Variants in ITGBL1 observed in about 807,000 individuals in gnomAD.
ITGBL1 encodes the protein integrin subunit beta like 1.
ITGBL1 carries 51 observed loss-of-function variants against 68.5 expected under a neutral mutation model. The ratio of observed to expected loss-of-function variants is 0.74; its 90% CI spans 0.59 to 0.94. ITGBL1 has a LOEUF of 0.94. Ranked by LOEUF, ITGBL1 falls within the 40% of genes least tolerant of loss-of-function variation. ITGBL1 has a pLI of 0.00. For synonymous variants in ITGBL1, 209 were observed against 227.3 expected (o/e 0.92, Z 0.72); for missense variants, 649 against 647.4 (o/e 1.00, Z -0.03).
intron 2 of ITGBL1, among the ~76,000 whole-genome samples, chr13:101,461,337 C>T (rs1426373202): frequency 1.3e-5 from 2 of 152,112 alleles, no homozygotes; most frequent in Non-Finnish European, 2.9e-5. Flanking sequence ...GCCTCATATA[C>T]ATATTGTTAC....
chr13:101,516,968 T>A (rs2049205334), intron 2 of ITGBL1, among the ~76,000 whole-genome samples: 1 of 152,200 alleles, frequency 6.6e-6, no homozygotes, highest in Non-Finnish European at 1.5e-5. Context: ...AACTTTGGCT[T>A]AAAAGCTTCT....
rs886571973 is a variant in ITGBL1 at position 101,568,247 on chromosome 13, A to T, written c.463+402A>T. Among the ~76,000 whole-genome samples the T allele has an allele frequency of 2.6e-5, 4 of 152,314 alleles. No individual in the cohort carries two copies. In the South Asian group the frequency reaches 8.3e-4, roughly 32 times the overall value. On this transcript the variant is annotated intron_variant, in intron 3 of 10. Transcript: ENST00000376180. ...AATAGAACCAAATACTTTAAATTTG[A>T]TAGAAGTTTCAGATATACTGGTTAT... is the stretch of plus-strand genomic sequence containing the variant.
chr13:101,524,477 A>G (rs1050799911), intron 2 of ITGBL1, among the ~76,000 whole-genome samples: 2 of 152,094 alleles, frequency 1.3e-5, no homozygotes, highest in East Asian at 3.8e-4. Context: ...AAAAAAATGA[A>G]TACACATTTA....
At chr13:101,481,002 ATGTGTGTGTGTGTG>A (rs71121195) in intron 2 of ITGBL1, among the ~76,000 whole-genome samples, 80 of 143,318 alleles carry the variant, frequency 5.6e-4, no homozygotes, top group Middle Eastern at 3.5e-3. Context: ...GCCAAAAGAT[ATGTGTGTGTGTGTG>A]TGTGTGTGTG....
intron 2 of ITGBL1, among the ~76,000 whole-genome samples, chr13:101,546,756 G>A (rs57771871): frequency 0.055 from 8,317 of 151,976 alleles, 438 homozygotes; most frequent in African/African-American, 0.14. Context: ...TATAAATTTA[G>A]ATGAATCTCA....
intron 3 of ITGBL1, among the ~76,000 whole-genome samples, chr13:101,571,509 ATATT>A (rs2050272116): frequency 6.6e-6 from 1 of 152,100 alleles, no homozygotes. Context: ...CTGTATTAAT[ATATT>A]TTATAATGTA....
intron 7 of ITGBL1, among the ~76,000 whole-genome samples, chr13:101,608,846 A>G (rs997044322): frequency 6.6e-6 from 1 of 152,072 alleles, no homozygotes; most frequent in African/African-American, 2.4e-5. Flanking sequence ...ACCCTGCAAA[A>G]TTAACTTATT....
At chr13:101,589,806 C>G (rs186843791) in intron 6 of ITGBL1, among the ~76,000 whole-genome samples, 1 of 152,246 alleles carries the variant, frequency 6.6e-6, no homozygotes, top group African/African-American at 2.4e-5. Context: ...GTTGGCAATG[C>G]CTGGAGGTGA....
chr13:101,489,987 A>G (rs1373645996), intron 2 of ITGBL1: 1 of 1,493,644 alleles, frequency 6.7e-7, no homozygotes, highest in East Asian at 2.5e-5. Flanking sequence ...CAGTGATGGG[A>G]GCATTTAATA....
intron 7 of ITGBL1, among the ~76,000 whole-genome samples, chr13:101,605,533 T>C (rs1213767269): frequency 6.6e-6 from 1 of 151,630 alleles, no homozygotes; most frequent in Admixed American, 6.6e-5. Context: ...CATATGTATA[T>C]GCGTATATAT....
intron 8 of ITGBL1, among the ~76,000 whole-genome samples, chr13:101,704,782 C>T (rs1395389694): frequency 3.3e-5 from 5 of 152,186 alleles, no homozygotes; most frequent in South Asian, 2.1e-4. Context: ...AGCCAATTAT[C>T]GGTCACATGT....
chr13:101,703,626 T>G (rs899059549), intron 8 of ITGBL1, among the ~76,000 whole-genome samples: 1 of 152,142 alleles, frequency 6.6e-6, no homozygotes, highest in Admixed American at 6.5e-5. Context: ...TAAGTGGGAA[T>G]GTTGGAGGTG....
At chr13:101,531,899 AT>A (rs577797552) in intron 2 of ITGBL1, among the ~76,000 whole-genome samples, 1 of 151,090 alleles carries the variant, frequency 6.6e-6, no homozygotes, top group African/African-American at 2.4e-5. Context: ...GGCCTGGCTA[AT>A]TTTTTTTATT....
chr13:101,495,983 T>C (rs543233835), intron 2 of ITGBL1, among the ~76,000 whole-genome samples: 38 of 152,308 alleles, frequency 2.5e-4, no homozygotes, highest in Non-Finnish European at 3.5e-4. Context: ...ACTTGTCTTA[T>C]ATTGGTTTTC....
intron 7 of ITGBL1, among the ~76,000 whole-genome samples, chr13:101,650,816 G>C (rs914052306): frequency 8.5e-5 from 13 of 152,078 alleles, no homozygotes; most frequent in African/African-American, 3.1e-4. Context: ...ACAGACCCCA[G>C]TGTGTGTTCT....
At chr13:101,555,681 GT>G (rs1330312261) in intron 2 of ITGBL1, among the ~76,000 whole-genome samples, 1 of 58,560 alleles carries the variant, frequency 1.7e-5, no homozygotes, top group Non-Finnish European at 3.6e-5. Context: ...GTATTTAAGT[GT>G]TTTGTGTGTG....
intron 2 of ITGBL1, among the ~76,000 whole-genome samples, chr13:101,533,973 C>T (rs982332060): frequency 6.6e-6 from 1 of 152,060 alleles, no homozygotes; most frequent in Non-Finnish European, 1.5e-5. Flanking sequence ...AAAAAATAAG[C>T]CACTAAGGAA....
chr13:101,468,154 A>G (rs548822442), intron 2 of ITGBL1, among the ~76,000 whole-genome samples: 1 of 152,322 alleles, frequency 6.6e-6, no homozygotes, highest in Non-Finnish European at 1.5e-5. Flanking sequence ...AATACAAAAG[A>G]CAAGTTATAG....
At chr13:101,658,189 G>T (rs1006454700) in intron 7 of ITGBL1, among the ~76,000 whole-genome samples, 1 of 152,136 alleles carries the variant, frequency 6.6e-6, no homozygotes, top group Non-Finnish European at 1.5e-5. Flanking sequence ...TTGGGATAAA[G>T]TTCAACTGCA....
Sources: gnomAD v4.1 joint callset for allele counts (sites outside exome capture counted in the v4.1 genomes callset) on GRCh38, gnomAD v4.1.1 for gene constraint, MANE v1.5 for transcripts, NCBI Gene and HGNC (gene_info 2026-07-23, HGNC 2026-07-21) for gene names.